The following CPD variants were observed in gnomAD, a reference collection of about 807,000 sequenced individuals.
CPD encodes carboxypeptidase D.
In CPD, 69 loss-of-function variants were observed where a neutral mutation model predicts 138.3. The ratio of observed to expected loss-of-function variants is 0.50; its 90% CI spans 0.41 to 0.61. The LOEUF is 0.61. CPD is among the 20% of genes least tolerant of loss of function. The probability of loss-of-function intolerance (pLI) is 0.00; values close to 1 mark genes in which losing one functional copy is unlikely to be tolerated. For missense variants in CPD, 1,432 were observed against 1,733.3 expected (o/e 0.83, Z 3.09); for synonymous variants, 651 against 642.1 (o/e 1.01, Z -0.21).
intron 6 of CPD, among the ~76,000 whole-genome samples, chr17:30,426,095 G>A (rs892962366): frequency 4.6e-5 from 7 of 151,942 alleles, no homozygotes; most frequent in African/African-American, 1.7e-4. Context: ...AGCTACTCGG[G>A]AGGCTGAGGC....
intron 14 of CPD, among the ~76,000 whole-genome samples, chr17:30,453,073 G>C (rs2143492414): frequency 6.6e-6 from 1 of 152,082 alleles, no homozygotes; most frequent in East Asian, 1.9e-4. Context: ...ATTTGAGTGG[G>C]GACACAGCCA....
rs757805979 is a variant in CPD at position 30,462,362 on chromosome 17, C to T, written c.3817-8C>T. 8.1e-6 allele frequency: 13 copies of T among 1,606,620 alleles called. No homozygotes were observed. In the Admixed American group the frequency reaches 2.0e-4, roughly 25 times the overall value. ...ATTTGTCATGATTCTTACACTTTCT[C>T]CTTCTAGGTCTTTGTGCATCATGAT... is the stretch of plus-strand genomic sequence containing the variant. On this transcript the variant is annotated splice_polypyrimidine_tract_variant and splice_region_variant and intron_variant, in intron 19 of 20. Coordinates refer to ENST00000225719, the MANE Select transcript of CPD (RefSeq NM_001304.5).
chr17:30,411,911 A>G (rs1911979072), intron 2 of CPD, among the ~76,000 whole-genome samples: 1 of 152,140 alleles, frequency 6.6e-6, no homozygotes, highest in Non-Finnish European at 1.5e-5. Context: ...GCTGGCAAGG[A>G]GCTGCGATCC....
intron 8 of CPD, among the ~76,000 whole-genome samples, chr17:30,434,480 A>G (rs1460745956): frequency 6.6e-6 from 1 of 152,160 alleles, no homozygotes; most frequent in South Asian, 2.1e-4. Flanking sequence ...CACTAAATCC[A>G]AAAATACTAA....
At chr17:30,383,677 G>T (rs1189505326) in intron 1 of CPD, among the ~76,000 whole-genome samples, 1 of 151,582 alleles carries the variant, frequency 6.6e-6, no homozygotes, top group Non-Finnish European at 1.5e-5. Context: ...TCTTCTCTGG[G>T]ATAATACTAC....
intron 8 of CPD, among the ~76,000 whole-genome samples, chr17:30,433,815 A>C (rs1192497616): frequency 6.6e-6 from 1 of 152,200 alleles, no homozygotes; most frequent in Non-Finnish European, 1.5e-5. Flanking sequence ...TAGAACTTTG[A>C]GTAATCTGAT....
chr17:30,439,251 G>A (rs1036269873), intron 9 of CPD, among the ~76,000 whole-genome samples, 174 bp downstream of exon 9: 8 of 151,914 alleles, frequency 5.3e-5, no homozygotes, highest in African/African-American at 1.2e-4. Flanking sequence ...TTTGATGTAC[G>A]TTGAGGGTTG....
At chr17:30,411,645 G>A (rs981255554) in intron 2 of CPD, among the ~76,000 whole-genome samples, 7 of 151,688 alleles carry the variant, frequency 4.6e-5, no homozygotes, top group African/African-American at 4.9e-5. Context: ...CCACTTAATC[G>A]AATTGGCTAT....
chr17:30,400,923 C>T (rs1022060598), intron 2 of CPD, among the ~76,000 whole-genome samples: 3 of 151,442 alleles, frequency 2.0e-5, no homozygotes, highest in African/African-American at 4.9e-5. Context: ...GTGATCCGCC[C>T]GTCTCGGCCT....
chr17:30,405,887 A>G (rs1277474141), intron 2 of CPD, among the ~76,000 whole-genome samples: 1 of 152,022 alleles, frequency 6.6e-6, no homozygotes, highest in Non-Finnish European at 1.5e-5. Flanking sequence ...ATTTGGGGAA[A>G]TTTGATATTT....
At chr17:30,414,842 T>C (rs927258326) in intron 2 of CPD, among the ~76,000 whole-genome samples, 1 of 152,148 alleles carries the variant, frequency 6.6e-6, no homozygotes, top group Non-Finnish European at 1.5e-5. Context: ...TTGGAGAAGA[T>C]AAGTAGTTCA....
chr17:30,386,661 T>C (rs779536145), intron 2 of CPD, among the ~76,000 whole-genome samples: 3 of 152,212 alleles, frequency 2.0e-5, no homozygotes, highest in Non-Finnish European at 4.4e-5. Context: ...TCTATCTCTG[T>C]GAATTTGCCC....
chr17:30,456,165 A>G, intron 15 of CPD, 91 bp from the exon 16 acceptor site: 1 of 946,860 alleles, frequency 1.1e-6, no homozygotes. Context: ...ATTTATTAGG[A>G]GAAAAAGATG....
At chr17:30,456,774 G>T in intron 17 of CPD, 1 of 360,868 alleles carries the variant, frequency 2.8e-6, no homozygotes, top group Non-Finnish European at 5.2e-6. Context: ...CCTGGGAGGC[G>T]GAGGTTGCAG....
chr17:30,417,051 G>A (rs1346509730), intron 2 of CPD, among the ~76,000 whole-genome samples: 3 of 150,744 alleles, frequency 2.0e-5, no homozygotes, highest in African/African-American at 7.3e-5. Flanking sequence ...GCAGTGAGCC[G>A]AGATCGCGCC....
chr17:30,437,722 A>C (rs1327086458), intron 8 of CPD, among the ~76,000 whole-genome samples: 1 of 152,090 alleles, frequency 6.6e-6, no homozygotes, highest in South Asian at 2.1e-4. Context: ...CCAAAGCAAA[A>C]GAGCATGCAT....
At position 30,451,732 on chromosome 17, in the gene CPD, G is replaced by A. The variant is rs1913171814; in HGVS notation, c.3091G>A (p.Val1031Met). ...TCAGTTGGTTGACAGGACTAGGATT[G>A]TGATTGTCCCTTCTCTAAATCCAGA... ...VTQLVDRTRI[V>M]IVPSLNPDGR... is the part of the protein sequence containing the mutation. The change falls in exon 14 of 21, where the codon GTG (valine) becomes ATG (methionine). Residue 1031 changes from valine (V) to methionine (M), a missense_variant. Transcript: ENST00000225719. 12 of 1,613,930 alleles carry A rather than the reference G, an allele frequency of 7.4e-6. No homozygotes were observed. The highest frequency in any genetic ancestry group is 9.3e-6 in the Non-Finnish European group (11 of 1,179,968).
intron 8 of CPD, among the ~76,000 whole-genome samples, chr17:30,437,096 G>A (rs1198103238): frequency 6.6e-6 from 1 of 151,900 alleles, no homozygotes; most frequent in Admixed American, 6.6e-5. Context: ...AAAGTAGATT[G>A]GTGGTTGCCT....
chr17:30,410,743 A>G (rs1329079057), intron 2 of CPD, among the ~76,000 whole-genome samples: 1 of 152,088 alleles, frequency 6.6e-6, no homozygotes, highest in Non-Finnish European at 1.5e-5. Context: ...TTTTGAGCCT[A>G]TGTGTGTCTC....
Sources: allele counts gnomAD v4.1 joint callset (sites outside exome capture counted in the v4.1 genomes callset), GRCh38; gene constraint gnomAD v4.1.1; transcripts MANE v1.5; gene names NCBI Gene and HGNC (gene_info 2026-07-23, HGNC 2026-07-21).